The following NOBOX variants were observed in gnomAD, a reference collection of about 807,000 sequenced individuals.
NOBOX encodes the protein NOBOX oogenesis homeobox, also known as homeobox protein NOBOX.
In NOBOX, 46 loss-of-function variants were observed where a neutral mutation model predicts 60.2. The observed-to-expected ratio is 0.76, with a 90% confidence interval of 0.60 to 0.98. The LOEUF (loss-of-function observed/expected upper bound fraction) is 0.98. Ranked by LOEUF, NOBOX falls within the 50% of genes least tolerant of loss-of-function variation. The pLI, the probability that NOBOX is intolerant of heterozygous loss-of-function variation, is 0.00. For missense variants in NOBOX, 880 were observed against 865.5 expected (o/e 1.02, Z -0.21); for synonymous variants, 360 against 346.3 (o/e 1.04, Z -0.44).
chr7:144,400,046 G>A (rs2053925420), intron 5 of NOBOX, 160 bp downstream of exon 3: 1 of 1,532,652 alleles, frequency 6.5e-7, no homozygotes, highest in Non-Finnish European at 9.0e-7. Flanking sequence ...AATGCTCTCA[G>A]GCTGTGGCAC....
chr7:144,403,075 C>G (rs2053954808), intron 2 of NOBOX, among the ~76,000 whole-genome samples: 2 of 152,084 alleles, frequency 1.3e-5, no homozygotes, highest in South Asian at 4.1e-4. Context: ...GACTTTGTAA[C>G]AGAGTGTCAA....
chr7:144,399,416 G>C lies in NOBOX; in HGVS notation c.1221C>G (p.Ser407=). 6.3e-7 allele frequency: 1 copy of C among 1,585,564 alleles called. No individual in the cohort carries two copies. Among genetic ancestry groups the C allele is most frequent in the Non-Finnish European group, 8.6e-7 (1 of 1,165,516 alleles). The stretch of plus-strand genomic sequence containing the variant: ...ACTCACCTGGAAAGGTATCCAGAGG[G>C]GACTCCTGAGGGAAAGGGTCAGGCT... Residue 407 remains serine, a synonymous_variant, in exon 7 of 10, where the codon TCC becomes TCG. Coordinates refer to ENST00000467773, the MANE Select transcript of NOBOX (RefSeq NM_001080413.3).
Position 144,403,655 on chromosome 7 carries a change from A to C in NOBOX, c.210+901T>G, listed in dbSNP as rs2053960243. 1.5e-6 allele frequency: 1 copy of C among 663,712 alleles called. No individual in the cohort carries two copies. Among genetic ancestry groups the C allele is most frequent in the Non-Finnish European group, 2.7e-6 (1 of 369,568 alleles). The allele number at this position is 663,712 out of a possible 1,614,324, so 41.1% of individuals were successfully genotyped here. ...CTCGCACGACGGGGTCTCCACACTCACCCAGCGGTCCCTGGCAGGGATTCT... is the reference window on the plus strand; with the variant it reads ...CTCGCACGACGGGGTCTCCACACTCCCCCAGCGGTCCCTGGCAGGGATTCT... On this transcript the variant is annotated intron_variant, in intron 2 of 9. Transcript: ENST00000467773.
intron 9 of NOBOX, 114 bp from the exon 8 acceptor site, chr7:144,397,655 G>A (rs1173135407): frequency 7.7e-6 from 7 of 910,908 alleles, no homozygotes; most frequent in African/African-American, 1.7e-5. Context: ...CGCAGCTTAG[G>A]ACCTCAGTGT....
At chr7:144,408,939 G>A (rs1316737099) in intron 1 of NOBOX, among the ~76,000 whole-genome samples, 1 of 152,212 alleles carries the variant, frequency 6.6e-6, no homozygotes, top group Admixed American at 6.5e-5. Flanking sequence ...GGTGAAATCT[G>A]AGTAAGGTCA....
In NOBOX at chr7:144,397,409, G is replaced by A. The variant is rs762787878; in HGVS notation, c.1907C>T (p.Ala636Val). ...AGCTGACGAAGGCTGCCTGCCCAGA[G>A]CCTGGGGGCAGGGAGTTGGAAATAG... is the stretch of plus-strand genomic sequence containing the variant. Residue 636 changes from alanine (A) to valine (V), a missense_variant, in exon 10 of 10, where the codon GCT becomes GTT. Coordinates refer to ENST00000467773, the MANE Select transcript of NOBOX (RefSeq NM_001080413.3). The A allele has an allele frequency of 5.9e-5, 91 of 1,537,156 alleles. No homozygotes were observed. Among genetic ancestry groups the A allele is most frequent in the Non-Finnish European group, 7.7e-5 (88 of 1,146,924 alleles).
intron 2 of NOBOX, 48 bp downstream of exon 1, chr7:144,403,609 G>T (rs1467123871): frequency 6.7e-6 from 2 of 297,336 alleles, no homozygotes; most frequent in Admixed American, 1.1e-4. Context: ...CCCCCTCCCC[G>T]AACCCCCAAA....
chr7:144,401,722 T>A lies in NOBOX; in HGVS notation c.293-125A>T, dbSNP rs563594394. The A allele has an allele frequency of 3.7e-6, 4 of 1,082,100 alleles. No individual in the cohort carries two copies. The East Asian group carries it at 9.9e-5, about 27-fold the overall frequency. The allele number at this position is 1,082,100 out of a possible 1,614,324, so 67.0% of individuals were successfully genotyped here. ...AGCTTTAATTTGTCTACCTATCAAATGGGGTAATAATTCCACACTTACCTT... is the reference window on the plus strand; with the variant it reads ...AGCTTTAATTTGTCTACCTATCAAAAGGGGTAATAATTCCACACTTACCTT... On this transcript the variant is annotated intron_variant, in intron 3 of 9. Transcript: ENST00000467773. This position sits in a 1 kb window ranked among gnomAD's most constrained non-coding sequence, Gnocchi z 4.2.
chr7:144,407,256 C>A (rs2053991974), intron 1 of NOBOX, among the ~76,000 whole-genome samples: 1 of 152,068 alleles, frequency 6.6e-6, no homozygotes, highest in African/African-American at 2.4e-5. Context: ...CAGAAGAAGG[C>A]GGCTGATTGA....
intron 2 of NOBOX, among the ~76,000 whole-genome samples, chr7:144,403,382 A>G (rs893495827): frequency 5.9e-5 from 9 of 152,148 alleles, no homozygotes; most frequent in Non-Finnish European, 1.0e-4. Context: ...ACCTAAGACT[A>G]GAAGGGTCCT....
chr7:144,402,192 C>A (rs1231465718), intron 2 of NOBOX, among the ~76,000 whole-genome samples: 1 of 150,562 alleles, frequency 6.6e-6, no homozygotes. Flanking sequence ...ACCCCCCACC[C>A]CACTACCATC....
At position 144,399,433 on chromosome 7, in the gene NOBOX, G is replaced by T. The variant is rs1267353457; in HGVS notation, c.1204C>A (p.Pro402Thr). 1 of 1,589,094 alleles carries T rather than the reference G, an allele frequency of 6.3e-7. No individual in the cohort carries two copies. Residue 402 changes from proline to threonine, a missense_variant, in exon 7 of 10, where the codon CCT (proline) becomes ACT (threonine). Pro to Thr is a conservative substitution (Grantham distance 38, BLOSUM62 -1). Coordinates refer to ENST00000467773, the MANE Select transcript of NOBOX (RefSeq NM_001080413.3). ...TCCAGAGGGGACTCCTGAGGGAAAG[G>T]GTCAGGCTTTGGCTCCATGGGCACA...
intron 2 of NOBOX, among the ~76,000 whole-genome samples, chr7:144,402,399 AAAG>A (rs1407258618): frequency 1.3e-5 from 2 of 152,312 alleles, no homozygotes; most frequent in East Asian, 3.9e-4. Flanking sequence ...AGCACCTTTC[AAAG>A]ATTAGCACAG....
chr7:144,400,566 C>T (rs1300838226), intron 4 of NOBOX, among the ~76,000 whole-genome samples: 1 of 152,190 alleles, frequency 6.6e-6, no homozygotes, highest in Non-Finnish European at 1.5e-5. Context: ...TAGACGGAGT[C>T]TCACTCTGTT....
chr7:144,401,541 G>A lies in NOBOX; in HGVS notation c.349C>T (p.Arg117Trp), dbSNP rs7800847. 4.2e-3 allele frequency: 6,415 copies of A among 1,515,074 alleles called. 236 individuals carry two copies. The African/African-American group carries it at 0.077, about 18-fold the overall frequency. 93.9% of individuals were successfully genotyped at this position (1,515,074 alleles called of 1,614,324 possible). A position where few individuals can be genotyped will look rare whatever the true frequency, so the allele number is the denominator to read the frequency against. The change falls in exon 4 of 10, where the codon CGG becomes TGG. Residue 117 changes from arginine to tryptophan, a missense_variant. Transcript: ENST00000467773. This position sits in a 1 kb window ranked among gnomAD's most constrained non-coding sequence, Gnocchi z 4.2. ...TCCTGAGCATGAGGGGCTGAGCCCC[G>A]GAGCAGTTCCTCCTCCCCGGGTCCT...
intron 1 of NOBOX, among the ~76,000 whole-genome samples, chr7:144,409,656 T>C (rs2054008658): frequency 6.6e-6 from 1 of 152,204 alleles, no homozygotes; most frequent in South Asian, 2.1e-4. Context: ...TTTAAAAAAT[T>C]AAAAAGGCAA....
chr7:144,398,712 T>A, intron 8 of NOBOX, 126 bp from the exon 7 acceptor site: 2 of 704,752 alleles, frequency 2.8e-6, no homozygotes, highest in Non-Finnish European at 4.8e-6. Flanking sequence ...CTTGCAAGGC[T>A]GCTGCAGCTG....
rs989399875 is a variant in NOBOX at position 144,401,193 on chromosome 7, C to G, written c.697G>C (p.Val233Leu). 17 of 1,613,566 alleles carry G rather than the reference C, an allele frequency of 1.1e-5. No homozygotes were observed. Among genetic ancestry groups the G allele is most frequent in the African/African-American group, 2.7e-5 (2 of 74,904 alleles). The change falls in exon 4 of 10, where the codon GTG becomes CTG. Residue 233 changes from valine (V) to leucine (L), a missense_variant. Physicochemically the swap from Val to Leu is conservative, Grantham distance 32. Coordinates refer to ENST00000467773, the MANE Select transcript of NOBOX (RefSeq NM_001080413.3). The surrounding 1 kb of genome is among the most constrained non-coding windows in gnomAD (Gnocchi z 4.2). ...GGCCCCCGGCCTGACCCACAGGGCA[C>G]TGGGTTGTGTGTGGCACGGGCTGAG...
At chr7:144,403,626 C>T (rs1417514753) in intron 2 of NOBOX, 31 bp downstream of exon 1, 6 of 681,436 alleles carry the variant, frequency 8.8e-6, no homozygotes, top group Non-Finnish European at 1.6e-5. Flanking sequence ...CAAAGCCTGA[C>T]CCCCTCGCAC....
Sources: gnomAD v4.1 joint callset for allele counts (sites outside exome capture counted in the v4.1 genomes callset) on GRCh38, gnomAD v4.1.1 for gene constraint, Gnocchi (gnomAD v3.1) non-coding constraint, MANE v1.5 for transcripts, NCBI Gene and HGNC (gene_info 2026-07-23, HGNC 2026-07-21) for gene names.